The following ZNF385B variants were observed in gnomAD, a reference collection of about 807,000 sequenced individuals.
ZNF385B encodes the protein zinc finger protein 385B.
Under a neutral mutation model 39.2 loss-of-function variants are expected in ZNF385B, and 23 were observed. That is an observed-to-expected ratio of 0.59 (90% confidence interval 0.42 to 0.83). The LOEUF is 0.83. ZNF385B is among the 40% of genes least tolerant of loss of function. The probability of loss-of-function intolerance (pLI) is 0.00; values close to 1 mark genes in which losing one functional copy is unlikely to be tolerated. For synonymous variants in ZNF385B, 205 were observed against 222.6 expected (o/e 0.92, Z 0.70); for missense variants, 552 against 598.9 (o/e 0.92, Z 0.82).
intron 1 of ZNF385B, among the ~76,000 whole-genome samples, chr2:179,794,902 T>A (rs1270263240): frequency 6.6e-6 from 1 of 152,014 alleles, no homozygotes; most frequent in African/African-American, 2.4e-5. Flanking sequence ...GGGGGTATCA[T>A]CAGTGTAAAG....
At chr2:179,570,041 A>G (rs1214777945) in intron 3 of ZNF385B, among the ~76,000 whole-genome samples, 1 of 152,170 alleles carries the variant, frequency 6.6e-6, no homozygotes, top group African/African-American at 2.4e-5. Flanking sequence ...AGGTATTCTG[A>G]GTCTGACTGG....
chr2:179,455,587 C>T (rs1286741088), intron 6 of ZNF385B, among the ~76,000 whole-genome samples: 3 of 152,004 alleles, frequency 2.0e-5, no homozygotes, highest in South Asian at 2.1e-4. Flanking sequence ...AAACCTCTTT[C>T]GTTTATAAAT....
intron 3 of ZNF385B, among the ~76,000 whole-genome samples, chr2:179,595,760 A>G (rs1445327974): frequency 6.6e-6 from 1 of 150,390 alleles, no homozygotes; most frequent in African/African-American, 2.4e-5. Flanking sequence ...CCCACCCCCA[A>G]GTAGCTGGAA....
rs538998661 is a variant in ZNF385B, at chr2:179,543,262, G to C, written c.441+1565C>G. On this transcript the variant is annotated intron_variant, in intron 4 of 9. Coordinates refer to ENST00000410066, the MANE Select transcript of ZNF385B (RefSeq NM_152520.6). The stretch of plus-strand genomic sequence containing the variant: ...ACTACAGCCTGGGCGACAGAGCAAG[G>C]CTGTCTCAAATGAATAAATAAATAA... Among the ~76,000 whole-genome samples, 6 of 152,010 alleles carry C rather than the reference G, an allele frequency of 3.9e-5. No homozygotes were observed. The East Asian group carries it at 5.8e-4, about 15-fold the overall frequency.
chr2:179,495,588 C>T (rs2056117689), intron 5 of ZNF385B, among the ~76,000 whole-genome samples: 1 of 152,198 alleles, frequency 6.6e-6, no homozygotes, highest in Non-Finnish European at 1.5e-5. Flanking sequence ...TCTCACCCAG[C>T]ACAGTCACAG....
Position 179,443,016 on chromosome 2 carries a change from G to T in ZNF385B, c.*234C>A. 1.7e-6 allele frequency: 1 copy of T among 598,632 alleles called. No homozygotes were observed. Among genetic ancestry groups the T allele is most frequent in the South Asian group, 2.0e-5 (1 of 50,688 alleles). 37.1% of individuals were successfully genotyped at this position (598,632 alleles called of 1,614,324 possible). On this transcript the variant is annotated 3_prime_UTR_variant, in exon 10 of 10. Coordinates refer to ENST00000410066, the MANE Select transcript of ZNF385B (RefSeq NM_152520.6). ...ACAAATTGAACGCGGTAGGGTGGGG[G>T]AGGAAGTAGGGAGATAAAGCCTATG...
At chr2:179,732,005 C>T (rs1296763076) in intron 3 of ZNF385B, among the ~76,000 whole-genome samples, 1 of 152,178 alleles carries the variant, frequency 6.6e-6, no homozygotes, top group Non-Finnish European at 1.5e-5. Flanking sequence ...GAAAGAATGC[C>T]TAGCAAAGGA....
At chr2:179,794,529 G>A (rs17825747) in intron 1 of ZNF385B, among the ~76,000 whole-genome samples, 11,859 of 152,118 alleles carry the variant, frequency 0.078, 542 homozygotes, top group Non-Finnish European at 0.11. Flanking sequence ...AAATTCTCTC[G>A]TCATGTAAGT....
intron 3 of ZNF385B, among the ~76,000 whole-genome samples, chr2:179,755,385 G>T (rs1401665943): frequency 1.3e-5 from 2 of 152,200 alleles, no homozygotes; most frequent in Non-Finnish European, 2.9e-5. Context: ...GTGCAATGTG[G>T]TGCTGAGAAG....
In ZNF385B at chr2:179,836,513, C is replaced by CTT. The variant is rs755278598; in HGVS notation, c.-155+24586_-155+24587dup. Among the ~76,000 whole-genome samples the CTT allele has an allele frequency of 8.9e-5, 11 of 124,182 alleles. 1 individual carries two copies. Among genetic ancestry groups the CTT allele is most frequent in the South Asian group, 5.1e-4 (2 of 3,946 alleles). The allele number at this position is 124,182 out of a possible 152,430, so 81.5% of individuals were successfully genotyped here. ...ATCTGAATCAAGGTTCTTGCGTTTT[C>CTT]TTTTTTTTTTTTTTTTGAGACGGAG... On this transcript the variant is annotated intron_variant, in intron 1 of 9. Coordinates refer to ENST00000410066, the MANE Select transcript of ZNF385B (RefSeq NM_152520.6).
chr2:179,798,636 C>A (rs1705832809), intron 1 of ZNF385B, among the ~76,000 whole-genome samples: 1 of 151,896 alleles, frequency 6.6e-6, no homozygotes, highest in South Asian at 2.1e-4. Flanking sequence ...GATTACTAAC[C>A]CCAATAACAC....
intron 3 of ZNF385B, among the ~76,000 whole-genome samples, chr2:179,552,238 G>A (rs2060620642): frequency 6.7e-6 from 1 of 149,124 alleles, no homozygotes; most frequent in Admixed American, 6.7e-5. Context: ...TTATAACTTT[G>A]AGACTTCCTA....
intron 3 of ZNF385B, among the ~76,000 whole-genome samples, chr2:179,634,868 G>T (rs188289673): frequency 4.0e-5 from 6 of 151,606 alleles, no homozygotes; most frequent in Admixed American, 3.9e-4. Flanking sequence ...CATGGCTCAC[G>T]CCTGTAATCT....
rs566512272 is a variant in ZNF385B at position 179,700,991 on chromosome 2, C to T, written c.298+68512G>A. On this transcript the variant is annotated intron_variant, in intron 3 of 9. Coordinates refer to ENST00000410066, the MANE Select transcript of ZNF385B (RefSeq NM_152520.6). ...TCGTGCCACTGCACTCCAGCCTGGG[C>T]GACAGAGCAAGACTCCATTTCAAAA... 7.8e-4 allele frequency among the ~76,000 whole-genome samples: 118 copies of T among 151,986 alleles called. 4 individuals are homozygous for T. Among genetic ancestry groups the T allele is most frequent in the Non-Finnish European group, 5.4e-4 (37 of 67,974 alleles).
chr2:179,535,181 G>A (rs55762501), intron 4 of ZNF385B, among the ~76,000 whole-genome samples: 15 of 152,096 alleles, frequency 9.9e-5, no homozygotes, highest in East Asian at 1.9e-4. Flanking sequence ...GAAAAATATC[G>A]GGTATATTTT....
At chr2:179,544,700 G>A (rs531709191) in intron 4 of ZNF385B, 127 bp downstream of exon 4, 2 of 1,159,166 alleles carry the variant, frequency 1.7e-6, no homozygotes, top group Middle Eastern at 2.7e-4. Context: ...TAGCACAACT[G>A]AGCAGCATAA....
intron 5 of ZNF385B, among the ~76,000 whole-genome samples, chr2:179,507,660 TTCTCAG>T (rs1174214752): frequency 1.3e-5 from 2 of 152,162 alleles, no homozygotes; most frequent in African/African-American, 4.8e-5. Context: ...AGGAGGGTAT[TTCTCAG>T]ATCTTCCTTT....
intron 3 of ZNF385B, among the ~76,000 whole-genome samples, chr2:179,605,140 T>C (rs773149712): frequency 4.6e-5 from 7 of 152,148 alleles, no homozygotes; most frequent in Non-Finnish European, 8.8e-5. Flanking sequence ...CACAGCAATG[T>C]ATTTTGACAT....
At position 179,497,803 on chromosome 2, in the gene ZNF385B, G is replaced by T. The variant is rs563771285; in HGVS notation, c.553-14369C>A. On this transcript the variant is annotated intron_variant, in intron 5 of 9. Coordinates refer to ENST00000410066, the MANE Select transcript of ZNF385B (RefSeq NM_152520.6). The stretch of plus-strand genomic sequence containing the variant: ...AATGGATGAAGAAACAAAACCCATT[G>T]ATCTGCTGCCTACAAAAAACACACT... Among the ~76,000 whole-genome samples, 26 of 152,190 alleles carry T rather than the reference G, an allele frequency of 1.7e-4. No individual in the cohort carries two copies. The South Asian group carries it at 5.4e-3, about 32-fold the overall frequency.
Sources: allele counts gnomAD v4.1 joint callset (sites outside exome capture counted in the v4.1 genomes callset), GRCh38; gene constraint gnomAD v4.1.1; transcripts MANE v1.5; gene names NCBI Gene and HGNC (gene_info 2026-07-23, HGNC 2026-07-21).